SENP6: variants seen among roughly 807,000 people sequenced by gnomAD.
SENP6 encodes the protein SUMO specific peptidase 6, also known as sentrin-specific protease 6.
SENP6 carries 41 observed loss-of-function variants against 134.5 expected under a neutral mutation model. That is an observed-to-expected ratio of 0.30 (90% CI 0.24 to 0.40). SENP6 has a LOEUF of 0.40. Among genes scored for constraint, SENP6 ranks in the 10% least tolerant of loss-of-function variants. SENP6 has a pLI of 1.00. For synonymous variants in SENP6, 395 were observed against 429.8 expected (o/e 0.92, Z 1.00); for missense variants, 1,248 against 1,312.5 (o/e 0.95, Z 0.76).
chr6:75,662,459 GA>G (rs1198452901), intron 8 of SENP6, among the ~76,000 whole-genome samples: 1 of 151,850 alleles, frequency 6.6e-6, no homozygotes, highest in East Asian at 1.9e-4. Context: ...TTTTCCAAAA[GA>G]AACTACACTT....
At chr6:75,617,006 G>A (rs1270110813) in intron 1 of SENP6, among the ~76,000 whole-genome samples, 1 of 151,904 alleles carries the variant, frequency 6.6e-6, no homozygotes, top group East Asian at 1.9e-4. Flanking sequence ...CTCCTGAGTA[G>A]CTGGTACTAC....
chr6:75,666,131 G>A (rs1582809492), intron 9 of SENP6, among the ~76,000 whole-genome samples: 3 of 128,342 alleles, frequency 2.3e-5, no homozygotes, highest in Middle Eastern at 8.5e-3. Flanking sequence ...TATATAAAAC[G>A]TATATATGAT....
intron 9 of SENP6, among the ~76,000 whole-genome samples, chr6:75,664,513 G>A (rs749902412): frequency 9.2e-5 from 14 of 152,060 alleles, no homozygotes; most frequent in Admixed American, 4.6e-4. Context: ...TAATTCTACA[G>A]AGAAGAGAAA....
At chr6:75,648,801 T>C (rs1225239764) in intron 7 of SENP6, among the ~76,000 whole-genome samples, 1 of 152,202 alleles carries the variant, frequency 6.6e-6, no homozygotes, top group Admixed American at 6.5e-5. Flanking sequence ...TTATTTACTT[T>C]TATCCTAGCT....
At chr6:75,711,045 A>G (rs1775716773) in intron 20 of SENP6, among the ~76,000 whole-genome samples, 1 of 152,338 alleles carries the variant, frequency 6.6e-6, no homozygotes, top group African/African-American at 2.4e-5. Flanking sequence ...GAGAAGATTC[A>G]GTCATAATAT....
intron 1 of SENP6, among the ~76,000 whole-genome samples, chr6:75,607,417 G>C (rs993452864): frequency 6.6e-6 from 1 of 152,060 alleles, no homozygotes; most frequent in Non-Finnish European, 1.5e-5. Flanking sequence ...TGGCTAGCTT[G>C]TTCCTATAAA....
At chr6:75,635,285 G>T (rs1175587473) in intron 5 of SENP6, among the ~76,000 whole-genome samples, 1 of 152,106 alleles carries the variant, frequency 6.6e-6, no homozygotes, top group Non-Finnish European at 1.5e-5. Flanking sequence ...GATCTTGAAA[G>T]TACTGCTTGA....
chr6:75,627,017 T>C (rs1768747427), intron 3 of SENP6, among the ~76,000 whole-genome samples: 1 of 152,108 alleles, frequency 6.6e-6, no homozygotes, highest in Non-Finnish European at 1.5e-5. Flanking sequence ...CAGGTTGGAG[T>C]GCATGGTGCG....
chr6:75,622,706 T>G (rs1768369209), intron 2 of SENP6: 1 of 992,742 alleles, frequency 1.0e-6, no homozygotes, highest in African/African-American at 1.7e-5. Flanking sequence ...TTAAAGAAAT[T>G]TTTATACAAG....
chr6:75,616,671 G>A (rs1391882339), intron 1 of SENP6, among the ~76,000 whole-genome samples: 1 of 151,226 alleles, frequency 6.6e-6, no homozygotes, highest in East Asian at 1.9e-4. Context: ...ACTTGAACCC[G>A]GGAGGCGGAG....
At position 75,648,119 on chromosome 6, in the gene SENP6, T is replaced by C. The variant is rs72654729; in HGVS notation, c.550+318T>C. On this transcript the variant is annotated intron_variant, in intron 7 of 23. Coordinates refer to ENST00000447266, the MANE Select transcript of SENP6 (RefSeq NM_015571.4). ...TATTGAACTATGTTATAATGTATTA[T>C]GTAATTGTGTTTCCACTTACTGGTT... is the stretch of plus-strand genomic sequence containing the variant. Among the ~76,000 whole-genome samples, 1,611 of 152,328 alleles carry C rather than the reference T, an allele frequency of 0.011. 60 individuals are homozygous for C. In the East Asian group the frequency reaches 0.14, roughly 13 times the overall value.
chr6:75,677,217 C>T lies in SENP6; in HGVS notation c.1809C>T (p.Ile603=). The T allele has an allele frequency of 6.2e-7, 1 of 1,600,090 alleles. No individual in the cohort carries two copies. Among genetic ancestry groups the T allele is most frequent in the Non-Finnish European group, 8.5e-7 (1 of 1,173,780 alleles). Reference sequence around the variant, plus strand: ...GTACAAGAACCTATGAAGAGAGCATCAAAGGAAGTTGTGGGCAAAAGGAAA... The same window carrying T: ...GTACAAGAACCTATGAAGAGAGCATTAAAGGAAGTTGTGGGCAAAAGGAAA... ...VACTRTYEES[I]KGSCGQKENK... is the part of the protein sequence containing the mutation. The change falls in exon 14 of 24, where the codon ATC becomes ATT. Residue 603 remains isoleucine, a synonymous_variant. Transcript: ENST00000447266.
chr6:75,706,046 C>T (rs770123036), intron 19 of SENP6, among the ~76,000 whole-genome samples: 1 of 142,692 alleles, frequency 7.0e-6, no homozygotes, highest in African/African-American at 2.6e-5. Flanking sequence ...AAGAGATTGT[C>T]TTCTCTTGCC....
chr6:75,664,418 C>T (rs896803620), intron 9 of SENP6, among the ~76,000 whole-genome samples: 1 of 151,612 alleles, frequency 6.6e-6, no homozygotes, highest in African/African-American at 2.4e-5. Flanking sequence ...ATATATACAT[C>T]TATATATGTC....
rs745806590 is a variant in SENP6 at position 75,670,637 on chromosome 6, C to G, written c.1309C>G (p.Gln437Glu). The G allele has an allele frequency of 4.3e-6, 7 of 1,613,318 alleles. No homozygotes were observed. The highest frequency in any genetic ancestry group is 5.9e-6 in the Non-Finnish European group (7 of 1,179,636). Residue 437 changes from glutamine to glutamate, a missense_variant, in exon 11 of 24, where the codon CAA (glutamine) becomes GAA (glutamate). Gln to Glu is a conservative substitution (Grantham distance 29, BLOSUM62 2). Coordinates refer to ENST00000447266, the MANE Select transcript of SENP6 (RefSeq NM_015571.4). Reference sequence around the variant, plus strand: ...TCCAGATGCTTTAGCTTTAAGCTGCCAAAGTTCCTTTGACAGTGTCATTTT... The same window carrying G: ...TCCAGATGCTTTAGCTTTAAGCTGCGAAAGTTCCTTTGACAGTGTCATTTT... ...EPPDALALSCQSSFDSVILNC... is the reference protein window; with the variant it reads ...EPPDALALSCESSFDSVILNC...
intron 18 of SENP6, among the ~76,000 whole-genome samples, chr6:75,698,838 T>C (rs763858351): frequency 4.6e-5 from 7 of 151,624 alleles, no homozygotes; most frequent in Admixed American, 1.3e-4. Context: ...TGGCGAAACC[T>C]CGTCTCTACT....
intron 1 of SENP6, among the ~76,000 whole-genome samples, chr6:75,616,745 CAAAAAAAAAA>C (rs1227499332): frequency 5.1e-5 from 3 of 59,010 alleles, no homozygotes; most frequent in Non-Finnish European, 1.0e-4. Flanking sequence ...GACTCCATCT[CAAAAAAAAAA>C]AAAAAAAAAG....
At chr6:75,624,431 T>C (rs1474467581) in intron 3 of SENP6, among the ~76,000 whole-genome samples, 2 of 152,182 alleles carry the variant, frequency 1.3e-5, no homozygotes, top group South Asian at 2.1e-4. Flanking sequence ...ATCTGTAGAA[T>C]GAATTCCTAG....
chr6:75,693,510 A>G (rs1000634775), intron 16 of SENP6, among the ~76,000 whole-genome samples: 5 of 151,892 alleles, frequency 3.3e-5, no homozygotes, highest in Non-Finnish European at 7.4e-5. Context: ...ACTGATAGCT[A>G]TTTATCTACA....
Sources: allele counts gnomAD v4.1 joint callset (sites outside exome capture counted in the v4.1 genomes callset), GRCh38; gene constraint gnomAD v4.1.1; transcripts MANE v1.5; gene names NCBI Gene and HGNC (gene_info 2026-07-23, HGNC 2026-07-21).